The following PAPOLG variants were observed in gnomAD, a reference collection of about 807,000 sequenced individuals.
The protein encoded by PAPOLG is PAP-gamma.
Under a neutral mutation model 99.0 loss-of-function variants are expected in PAPOLG, and 40 were observed. The observed-to-expected ratio is 0.40, with a 90% CI of 0.31 to 0.53. The LOEUF is 0.53. Ranked by LOEUF, PAPOLG falls within the 20% of genes least tolerant of loss-of-function variation. The pLI, the probability that PAPOLG is intolerant of heterozygous loss-of-function variation, is 0.41. For missense variants in PAPOLG, 675 were observed against 884.1 expected (o/e 0.76, Z 3.00); for synonymous variants, 310 against 299.3 (o/e 1.04, Z -0.37).
intron 6 of PAPOLG, 57 bp from the exon 7 acceptor site, chr2:60,771,462 G>T (rs1670848458): frequency 6.5e-7 from 1 of 1,531,646 alleles, no homozygotes; most frequent in Non-Finnish European, 8.7e-7. Flanking sequence ...GGATGGGAGA[G>T]GATGGATTAA....
In PAPOLG at chr2:60,797,384, G is replaced by T; in HGVS notation, c.*224G>T. 1.8e-6 allele frequency: 1 copy of T among 550,042 alleles called. No homozygotes were observed. The highest frequency in any genetic ancestry group is 3.2e-6 in the Non-Finnish European group (1 of 312,406). 34.1% of individuals were successfully genotyped at this position (550,042 alleles called of 1,614,324 possible). On this transcript the variant is annotated 3_prime_UTR_variant, in exon 22 of 22. Transcript: ENST00000238714. ...TACACTTCTCTGAGGATCACCTGCTGTCAAATTGCCATCTACAGTATTACA... is the reference window on the plus strand; with the variant it reads ...TACACTTCTCTGAGGATCACCTGCTTTCAAATTGCCATCTACAGTATTACA...
At position 60,794,085 on chromosome 2, in the gene PAPOLG, A is replaced by G. The variant is rs1474953618; in HGVS notation, c.1883A>G (p.Gln628Arg). 2 of 1,614,092 alleles carry G rather than the reference A, an allele frequency of 1.2e-6. No individual in the cohort carries two copies. The highest frequency in any genetic ancestry group is 2.2e-5 in the East Asian group (1 of 44,902). The change falls in exon 19 of 22, where the codon CAA (glutamine) becomes CGA (arginine). Residue 628 changes from glutamine to arginine, a missense_variant. Transcript: ENST00000238714. ...ACACCTCACAACCCTGCCCAGGGAC[A>G]ACCGCATCTGAATGGAATGTCAAAT... ...ITTPHNPAQG[Q>R]PHLNGMSNIT...
chr2:60,775,186 G>T lies in PAPOLG; in HGVS notation c.694+63G>T. 3.3e-6 allele frequency: 5 copies of T among 1,524,170 alleles called. No individual in the cohort carries two copies. In the South Asian group the frequency reaches 6.1e-5, roughly 19 times the overall value. The allele number at this position is 1,524,170 out of a possible 1,614,324, so 94.4% of individuals were successfully genotyped here. A position where few individuals can be genotyped will look rare whatever the true frequency, so the allele number is the denominator to read the frequency against. On this transcript the variant is annotated intron_variant, in intron 8 of 21. Coordinates refer to ENST00000238714, the MANE Select transcript of PAPOLG (RefSeq NM_022894.4). The stretch of plus-strand genomic sequence containing the variant: ...TTCTAATTTTCTCTTGCCAGTGAAA[G>T]AAGCATATATAGAAACTCTGAACCT...
At chr2:60,758,300 T>G (rs1670411339) in intron 1 of PAPOLG, among the ~76,000 whole-genome samples, 1 of 145,970 alleles carries the variant, frequency 6.9e-6, no homozygotes, top group African/African-American at 2.5e-5. Context: ...ATACAGAAGA[T>G]AAATTAACCA....
At chr2:60,759,799 T>C (rs936972313) in intron 1 of PAPOLG, among the ~76,000 whole-genome samples, 1 of 152,258 alleles carries the variant, frequency 6.6e-6, no homozygotes, top group Non-Finnish European at 1.5e-5. Flanking sequence ...GACTTAAGTC[T>C]GCAGGGTAGT....
intron 21 of PAPOLG, 90 bp from the exon 22 acceptor site, chr2:60,796,972 T>TC: frequency 1.3e-6 from 2 of 1,533,656 alleles, no homozygotes; most frequent in Non-Finnish European, 1.8e-6. Flanking sequence ...GGAGAAAAAC[T>TC]CCCCAAGTTT....
intron 7 of PAPOLG, among the ~76,000 whole-genome samples, chr2:60,773,712 A>C (rs1480695560): frequency 2.0e-5 from 3 of 151,986 alleles, no homozygotes; most frequent in South Asian, 2.1e-4. Context: ...AAAAAAAAAA[A>C]ACCAGCAGTC....
chr2:60,790,661 A>G (rs375172924), intron 15 of PAPOLG, among the ~76,000 whole-genome samples: 9 of 152,328 alleles, frequency 5.9e-5, no homozygotes, highest in African/African-American at 2.2e-4. Context: ...CCTTTTCTCA[A>G]CTGTACAATA....
intron 13 of PAPOLG, among the ~76,000 whole-genome samples, chr2:60,784,218 G>A (rs527443251): frequency 6.6e-6 from 1 of 152,120 alleles, no homozygotes; most frequent in African/African-American, 2.4e-5. Context: ...TGATCCACCC[G>A]CCTTGGCCTC....
chr2:60,793,893 G>A (rs1258465718), intron 18 of PAPOLG, 78 bp from the exon 19 acceptor site: 2 of 1,473,978 alleles, frequency 1.4e-6, no homozygotes, highest in African/African-American at 1.4e-5. Context: ...CCTGGGTGAT[G>A]GGAATGAGAG....
intron 1 of PAPOLG, among the ~76,000 whole-genome samples, chr2:60,757,898 G>A (rs1231205538): frequency 6.6e-6 from 1 of 152,162 alleles, no homozygotes; most frequent in Non-Finnish European, 1.5e-5. Flanking sequence ...GGGCCAGTAG[G>A]CTAGTTGGCC....
intron 3 of PAPOLG, among the ~76,000 whole-genome samples, chr2:60,765,333 T>C (rs1024517999): frequency 2.0e-5 from 3 of 150,260 alleles, no homozygotes; most frequent in Non-Finnish European, 4.4e-5. Flanking sequence ...CTGCTTTGGC[T>C]TCCCATAGTG....
At chr2:60,788,011 T>C (rs1004162416) in intron 15 of PAPOLG, among the ~76,000 whole-genome samples, 2 of 151,020 alleles carry the variant, frequency 1.3e-5, no homozygotes, top group African/African-American at 4.9e-5. Flanking sequence ...CACTGCACTC[T>C]GGCCTGGCCC....
chr2:60,791,922 A>G (rs1671547479), intron 16 of PAPOLG, 40 bp downstream of exon 16: 1 of 1,591,044 alleles, frequency 6.3e-7, no homozygotes. Context: ...GGTTTTACTC[A>G]GACAAATGAT....
chr2:60,772,834 T>C (rs1346685459), intron 7 of PAPOLG, among the ~76,000 whole-genome samples: 1 of 152,136 alleles, frequency 6.6e-6, no homozygotes, highest in Non-Finnish European at 1.5e-5. Context: ...ATATTCTTCT[T>C]AAACTTGGCC....
At chr2:60,784,246 C>T (rs1671290821) in intron 13 of PAPOLG, among the ~76,000 whole-genome samples, 1 of 152,228 alleles carries the variant, frequency 6.6e-6, no homozygotes, top group South Asian at 2.1e-4. Context: ...GCTGGAATTA[C>T]AGGCGTGAGC....
intron 15 of PAPOLG, among the ~76,000 whole-genome samples, chr2:60,789,440 G>A (rs140417635): frequency 6.6e-6 from 1 of 152,158 alleles, no homozygotes; most frequent in Non-Finnish European, 1.5e-5. Flanking sequence ...TCGCCATGTT[G>A]CCCAGGCTGA....
chr2:60,761,634 T>C (rs1365201433), intron 2 of PAPOLG, 107 bp from the exon 3 acceptor site: 4 of 905,092 alleles, frequency 4.4e-6, no homozygotes, highest in Middle Eastern at 3.4e-4. Context: ...ATATATGTTA[T>C]GGTTTTACCC....
chr2:60,768,515 A>G lies in PAPOLG; in HGVS notation c.292A>G (p.Thr98Ala). 1 of 1,613,684 alleles carries G rather than the reference A, an allele frequency of 6.2e-7. No homozygotes were observed. The highest frequency in any genetic ancestry group is 8.5e-7 in the Non-Finnish European group (1 of 1,179,620). ...GGCTACTGTTGGTGGTAAAATTTTC[A>G]CATTTGGATCCTATAGGCTTGGAGT... ...VVATVGGKIF[T>A]FGSYRLGVHT... Residue 98 changes from threonine (T) to alanine (A), a missense_variant, in exon 4 of 22, where the codon ACA becomes GCA. Coordinates refer to ENST00000238714, the MANE Select transcript of PAPOLG (RefSeq NM_022894.4).
Sources: gnomAD v4.1 joint callset for allele counts (sites outside exome capture counted in the v4.1 genomes callset) on GRCh38, gnomAD v4.1.1 for gene constraint, MANE v1.5 for transcripts, NCBI Gene and HGNC (gene_info 2026-07-23, HGNC 2026-07-21) for gene names.